NRXN1: variants seen among roughly 807,000 people sequenced by gnomAD.
NRXN1 encodes neurexin 1, also known as neurexin-1.
A neutral mutation model predicts 150.9 loss-of-function variants in NRXN1; 39 were observed. The ratio of observed to expected loss-of-function variants is 0.26; its 90% CI spans 0.20 to 0.34. The LOEUF (loss-of-function observed/expected upper bound fraction) is 0.34. Among genes scored for constraint, NRXN1 ranks in the 10% least tolerant of loss-of-function variants. The probability of loss-of-function intolerance (pLI) is 1.00; values close to 1 mark genes in which losing one functional copy is unlikely to be tolerated. For synonymous variants in NRXN1, 924 were observed against 757.0 expected, an observed-to-expected ratio of 1.22 and a Z score of -3.62; for missense variants, 1,815 against 1,949.9, an observed-to-expected ratio of 0.93 and a Z score of 1.30.
intron 17 of NRXN1, among the ~76,000 whole-genome samples, chr2:50,454,463 TA>T (rs2087324735): frequency 6.6e-6 from 1 of 152,246 alleles, no homozygotes; most frequent in African/African-American, 2.4e-5. Flanking sequence ...CCCATGAACA[TA>T]TACACATACA....
chr2:50,500,154 T>C (rs2091873082), intron 13 of NRXN1, among the ~76,000 whole-genome samples: 1 of 152,000 alleles, frequency 6.6e-6, no homozygotes, highest in Non-Finnish European at 1.5e-5. Context: ...AAATTAAATA[T>C]TACCTCCAGT....
intron 17 of NRXN1, among the ~76,000 whole-genome samples, chr2:50,369,054 G>C (rs1312586398): frequency 1.3e-5 from 2 of 151,876 alleles, no homozygotes; most frequent in Non-Finnish European, 2.9e-5. Context: ...TGATACATTT[G>C]GGTGTACCCT....
intron 5 of NRXN1, among the ~76,000 whole-genome samples, chr2:50,698,292 T>C (rs1001677171): frequency 3.9e-5 from 6 of 152,176 alleles, no homozygotes; most frequent in East Asian, 1.9e-4. Context: ...CAAAATCTTT[T>C]TCATCATCTC....
intron 19 of NRXN1, among the ~76,000 whole-genome samples, chr2:50,070,347 A>G (rs1696057727): frequency 6.6e-6 from 1 of 152,184 alleles, no homozygotes; most frequent in Admixed American, 6.5e-5. Flanking sequence ...AAGTGTATCA[A>G]AATAAACCTT....
At chr2:50,207,943 C>G (rs780131042) in intron 18 of NRXN1, among the ~76,000 whole-genome samples, 4 of 152,066 alleles carry the variant, frequency 2.6e-5, no homozygotes, top group Non-Finnish European at 5.9e-5. Context: ...TGAAGACCTG[C>G]TTTTCCCCTT....
chr2:50,573,054 A>G (rs752845816), intron 8 of NRXN1, among the ~76,000 whole-genome samples: 48 of 152,180 alleles, frequency 3.2e-4, no homozygotes, highest in Non-Finnish European at 6.3e-4. Context: ...TGAGTTAAAA[A>G]TGCATTATTA....
chr2:50,192,658 G>T (rs1198820890), intron 18 of NRXN1, among the ~76,000 whole-genome samples: 1 of 152,132 alleles, frequency 6.6e-6, no homozygotes, highest in African/African-American at 2.4e-5. Flanking sequence ...CCAGGCTAGA[G>T]TGTAGTGGTG....
chr2:50,644,863 AT>A (rs1352727090), intron 5 of NRXN1, among the ~76,000 whole-genome samples: 1 of 148,368 alleles, frequency 6.7e-6, no homozygotes, highest in Non-Finnish European at 1.5e-5. Context: ...ATAAGGATAT[AT>A]AAATAAAAAA....
intron 5 of NRXN1, among the ~76,000 whole-genome samples, chr2:50,876,670 A>C (rs920127684): frequency 8.6e-5 from 13 of 151,844 alleles, no homozygotes; most frequent in African/African-American, 3.1e-4. Context: ...AATGAGATCA[A>C]ATATGCCAGT....
intron 2 of NRXN1, among the ~76,000 whole-genome samples, chr2:50,976,315 T>C (rs1015764523): frequency 2.6e-5 from 4 of 151,944 alleles, no homozygotes; most frequent in African/African-American, 9.7e-5. Flanking sequence ...ATTTTTAATA[T>C]ATTTTTGGAA....
At chr2:50,711,411 C>G (rs912000693) in intron 5 of NRXN1, among the ~76,000 whole-genome samples, 163 of 148,514 alleles carry the variant, frequency 1.1e-3, no homozygotes, top group African/African-American at 4.0e-3. Flanking sequence ...TCTTGGCTCA[C>G]TGCAACCTCC....
intron 2 of NRXN1, among the ~76,000 whole-genome samples, chr2:51,010,057 G>A (rs1040311606): frequency 1.3e-5 from 2 of 151,820 alleles, no homozygotes; most frequent in African/African-American, 2.4e-5. Flanking sequence ...ATTCTACTAC[G>A]TTTAAGACAG....
At chr2:50,183,326 A>G (rs1255389869) in intron 18 of NRXN1, among the ~76,000 whole-genome samples, 1 of 152,086 alleles carries the variant, frequency 6.6e-6, no homozygotes, top group Non-Finnish European at 1.5e-5. Context: ...CATATTTAGC[A>G]GCTGTCAATT....
chr2:50,342,473 C>A (rs1453984880), intron 17 of NRXN1, among the ~76,000 whole-genome samples: 3 of 152,130 alleles, frequency 2.0e-5, no homozygotes, highest in Non-Finnish European at 2.9e-5. Flanking sequence ...AAATATTTCC[C>A]CAATGTAGAG....
chr2:50,352,963 A>G (rs1259052146), intron 17 of NRXN1, among the ~76,000 whole-genome samples: 2 of 151,964 alleles, frequency 1.3e-5, no homozygotes. Context: ...TCATAGATAT[A>G]GATTGGTGAA....
At chr2:50,225,643 A>T (rs1160247162) in intron 18 of NRXN1, among the ~76,000 whole-genome samples, 5 of 152,116 alleles carry the variant, frequency 3.3e-5, no homozygotes, top group African/African-American at 1.2e-4. Flanking sequence ...AAAGAGAAGG[A>T]CAGGTAGGAA....
intron 5 of NRXN1, chr2:50,919,952 C>T (rs1369725947): frequency 5.9e-6 from 2 of 339,456 alleles, no homozygotes; most frequent in South Asian, 2.3e-5. Context: ...CTGTGGATGC[C>T]ATGTCATAGT....
intron 18 of NRXN1, among the ~76,000 whole-genome samples, chr2:50,094,216 A>G (rs964364638): frequency 3.9e-5 from 6 of 152,234 alleles, no homozygotes; most frequent in African/African-American, 1.4e-4. Context: ...TACTGTTTCC[A>G]TCTTACAAAA....
intron 5 of NRXN1, among the ~76,000 whole-genome samples, chr2:50,758,338 G>T (rs1701397177): frequency 6.6e-6 from 1 of 151,744 alleles, no homozygotes. Context: ...CAAGATTAAT[G>T]ATTTGAAAGC....
Sources: allele counts gnomAD v4.1 joint callset (sites outside exome capture counted in the v4.1 genomes callset), GRCh38; gene constraint gnomAD v4.1.1; transcripts MANE v1.5; gene names NCBI Gene and HGNC (gene_info 2026-07-23, HGNC 2026-07-21).